The following KLF7 variants were observed in gnomAD, a reference collection of about 807,000 sequenced individuals.
KLF7 encodes Krueppel-like factor 7.
A neutral mutation model predicts 27.3 loss-of-function variants in KLF7; 2 were observed. The observed-to-expected ratio is 0.07, with a 90% CI of 0.03 to 0.23. The LOEUF (loss-of-function observed/expected upper bound fraction) is 0.23, where lower values mean the gene tolerates loss of function less well. Ranked by LOEUF, KLF7 falls within the 10% of genes least tolerant of loss-of-function variation. The pLI is 1.00. For missense variants in KLF7, 221 were observed against 394.1 expected (o/e 0.56, Z 3.72); for synonymous variants, 165 against 162.4 (o/e 1.02, Z -0.12).
the KLF7 span, among the ~76,000 whole-genome samples, chr2:207,173,349 C>T: frequency 2.0e-5 from 3 of 152,142 alleles, no homozygotes; most frequent in Non-Finnish European, 4.4e-5. Flanking sequence ...GGAGCCTGGT[C>T]ACCGCGGCAG....
intron 2 of KLF7, among the ~76,000 whole-genome samples, chr2:207,113,435 G>C (rs2077088448): frequency 6.6e-6 from 1 of 152,144 alleles, no homozygotes; most frequent in Non-Finnish European, 1.5e-5. Context: ...TGTAGAATTT[G>C]CACTTATGCT....
At chr2:207,122,845 C>G (rs775915714) in intron 2 of KLF7, among the ~76,000 whole-genome samples, 1 of 152,148 alleles carries the variant, frequency 6.6e-6, no homozygotes, top group Non-Finnish European at 1.5e-5. Flanking sequence ...AAAAACCATA[C>G]AGGTAGCACA....
chr2:207,159,948 G>A (rs1025160185), intron 1 of KLF7, among the ~76,000 whole-genome samples: 6 of 152,224 alleles, frequency 3.9e-5, no homozygotes, highest in Non-Finnish European at 5.9e-5. Context: ...ACTAATCTGG[G>A]CAAGGTGGGG....
At chr2:207,149,767 A>G (rs1442205684) in intron 1 of KLF7, among the ~76,000 whole-genome samples, 1 of 152,144 alleles carries the variant, frequency 6.6e-6, no homozygotes, top group Non-Finnish European at 1.5e-5. Context: ...TCTGAGTTCA[A>G]CCTTCCTTCC....
chr2:207,165,609 C>G lies in KLF7; in HGVS notation c.-41G>C, dbSNP rs1488141636. Reference sequence around the variant, plus strand: ...CAAAACGGGAGGCGAAACCCTCCCCCGAACACAGTTGGGGCTGTTTGTTTG... The same window carrying G: ...CAAAACGGGAGGCGAAACCCTCCCCGGAACACAGTTGGGGCTGTTTGTTTG... On this transcript the variant is annotated 5_prime_UTR_variant, in exon 1 of 4. Coordinates refer to ENST00000309446, the MANE Select transcript of KLF7 (RefSeq NM_003709.4). The G allele has an allele frequency of 6.2e-7, 1 of 1,611,996 alleles. No individual in the cohort carries two copies. Among genetic ancestry groups the G allele is most frequent in the Admixed American group, 1.7e-5 (1 of 59,990 alleles).
intron 1 of KLF7, among the ~76,000 whole-genome samples, chr2:207,149,878 T>C (rs1016529196): frequency 1.1e-4 from 16 of 152,170 alleles, no homozygotes; most frequent in Non-Finnish European, 1.9e-4. Flanking sequence ...CAGTGTGCCA[T>C]AAACTAGGAG....
At chr2:207,161,712 TAA>T (rs2078553527) in intron 1 of KLF7, among the ~76,000 whole-genome samples, 2 of 152,178 alleles carry the variant, frequency 1.3e-5, no homozygotes, top group African/African-American at 4.8e-5. Context: ...AAGGCCCTCA[TAA>T]AAAGTGTTTC....
At chr2:207,165,971 C>T, upstream of KLF7, 1 of 1,005,568 alleles carries the variant, frequency 9.9e-7, no homozygotes, top group Non-Finnish European at 1.2e-6. Flanking sequence ...AATCTTTGCT[C>T]TTTATTTTGG....
chr2:207,171,138 C>A (rs1025222308), upstream of KLF7, among the ~76,000 whole-genome samples: 2 of 151,122 alleles, frequency 1.3e-5, no homozygotes, highest in South Asian at 2.1e-4. Flanking sequence ...TTGATCCCAA[C>A]CCTTCTGGGT....
intron 1 of KLF7, among the ~76,000 whole-genome samples, chr2:207,151,869 G>A (rs2078257499): frequency 6.6e-6 from 1 of 151,964 alleles, no homozygotes; most frequent in South Asian, 2.1e-4. Context: ...TTTTTAAATG[G>A]CTTTTTTTAA....
chr2:207,105,608 G>A (rs977803272), intron 2 of KLF7, among the ~76,000 whole-genome samples: 3 of 152,192 alleles, frequency 2.0e-5, no homozygotes, highest in African/African-American at 7.2e-5. Flanking sequence ...CCTATTTGCT[G>A]TGCCAGAAAG....
intron 1 of KLF7, among the ~76,000 whole-genome samples, chr2:207,152,128 C>G (rs1190113844): frequency 6.6e-6 from 1 of 152,068 alleles, no homozygotes; most frequent in Admixed American, 6.6e-5. Flanking sequence ...CTTTTTCACA[C>G]AAAAAGCATC....
At position 207,102,796 on chromosome 2, in the gene KLF7, T is replaced by C. The variant is rs114834927; in HGVS notation, c.734-14215A>G. On this transcript the variant is annotated intron_variant, in intron 2 of 3. Coordinates refer to ENST00000309446, the MANE Select transcript of KLF7 (RefSeq NM_003709.4). The stretch of plus-strand genomic sequence containing the variant: ...ATCCCTAGGTAAGAGTATCCCTTGG[T>C]TTTTGTTGAGCTTATGGCCACCCAG... Among the ~76,000 whole-genome samples the C allele has an allele frequency of 9.1e-3, 1,392 of 152,308 alleles. 22 individuals carry two copies. Among genetic ancestry groups the C allele is most frequent in the African/African-American group, 0.031 (1,285 of 41,564 alleles).
chr2:207,156,604 C>T (rs1297941582), intron 1 of KLF7, among the ~76,000 whole-genome samples: 1 of 152,210 alleles, frequency 6.6e-6, no homozygotes, highest in Non-Finnish European at 1.5e-5. Context: ...AGCCCAACAC[C>T]ACAAAGTTTC....
chr2:207,153,467 AT>A (rs2078300155), intron 1 of KLF7, among the ~76,000 whole-genome samples: 1 of 152,172 alleles, frequency 6.6e-6, no homozygotes, highest in African/African-American at 2.4e-5. Context: ...AACAGAGCTG[AT>A]TTTACAGAGA....
At chr2:207,166,988 A>G (rs894450880), upstream of KLF7, 11 of 717,086 alleles carry the variant, frequency 1.5e-5, no homozygotes, top group Non-Finnish European at 2.0e-5. Flanking sequence ...ACCCCGAGCG[A>G]GAGACCTGGT....
chr2:207,079,882 G>C lies in KLF7; in HGVS notation c.*1331C>G, dbSNP rs1295994040. 6.6e-6 allele frequency: 1 copy of C among 152,194 alleles called. No individual in the cohort carries two copies. Among genetic ancestry groups the C allele is most frequent in the Non-Finnish European group, 1.5e-5 (1 of 68,038 alleles). The allele number at this position is 152,194 out of a possible 1,614,324, so 9.4% of individuals were successfully genotyped here. ...TTTAAATTGTGTATTGTAACACGTAGGGGAATAGGAGCTCAGTGGGCATGA... is the reference window on the plus strand; with the variant it reads ...TTTAAATTGTGTATTGTAACACGTACGGGAATAGGAGCTCAGTGGGCATGA... On this transcript the variant is annotated 3_prime_UTR_variant, in exon 4 of 4. Coordinates refer to ENST00000309446, the MANE Select transcript of KLF7 (RefSeq NM_003709.4).
At chr2:207,119,970 G>A (rs532361503) in intron 2 of KLF7, among the ~76,000 whole-genome samples, 37 of 152,164 alleles carry the variant, frequency 2.4e-4, no homozygotes, top group African/African-American at 8.2e-4. Flanking sequence ...CTAGGATTAG[G>A]GGCGTGAGCC....
At chr2:207,147,370 AT>A (rs1468070694) in intron 1 of KLF7, among the ~76,000 whole-genome samples, 1 of 152,244 alleles carries the variant, frequency 6.6e-6, no homozygotes, top group East Asian at 1.9e-4. Context: ...CAGAAAAGGT[AT>A]AAAAAGTAAA....
Sources: allele counts gnomAD v4.1 joint callset (sites outside exome capture counted in the v4.1 genomes callset), GRCh38; gene constraint gnomAD v4.1.1; transcripts MANE v1.5; gene names NCBI Gene and HGNC (gene_info 2026-07-23, HGNC 2026-07-21).